Variants in TACR1 observed in about 807,000 individuals in gnomAD.
The protein encoded by TACR1 is tachykinin receptor 1, also known as substance-P receptor.
Under a neutral mutation model 35.8 loss-of-function variants are expected in TACR1, and 25 were observed. The ratio of observed to expected loss-of-function variants is 0.70; its 90% CI spans 0.51 to 0.98. TACR1 has a LOEUF of 0.98. TACR1 is among the 50% of genes least tolerant of loss of function. TACR1 has a pLI of 0.00. For missense variants in TACR1, 478 were observed against 522.9 expected (o/e 0.91, Z 0.84); for synonymous variants, 195 against 206.7 (o/e 0.94, Z 0.48).
chr2:75,093,776 T>C (rs1558550727), intron 2 of TACR1, among the ~76,000 whole-genome samples: 1 of 152,190 alleles, frequency 6.6e-6, no homozygotes, highest in East Asian at 1.9e-4. Flanking sequence ...AGAATGCTGT[T>C]AGGCATTTTA....
chr2:75,167,043 A>G (rs995612990), intron 1 of TACR1, among the ~76,000 whole-genome samples: 3 of 152,214 alleles, frequency 2.0e-5, no homozygotes, highest in Non-Finnish European at 4.4e-5. Flanking sequence ...AGACTACATT[A>G]TGATAATAAA....
At chr2:75,090,475 TTG>T (rs1673286939) in intron 2 of TACR1, among the ~76,000 whole-genome samples, 1 of 152,166 alleles carries the variant, frequency 6.6e-6, no homozygotes, top group Non-Finnish European at 1.5e-5. Context: ...TGACAAAACT[TTG>T]GTCTCCACAA....
chr2:75,121,553 T>G (rs1160183757), intron 1 of TACR1, among the ~76,000 whole-genome samples: 1 of 152,216 alleles, frequency 6.6e-6, no homozygotes, highest in Non-Finnish European at 1.5e-5. Context: ...TGAATGAATG[T>G]GTCCACATGT....
chr2:75,124,590 G>A (rs557306198), intron 1 of TACR1, among the ~76,000 whole-genome samples: 24 of 152,254 alleles, frequency 1.6e-4, no homozygotes, highest in Non-Finnish European at 3.2e-4. Context: ...TTTTTTTCTG[G>A]GAAAGACAGA....
chr2:75,134,061 T>A (rs1189301346), intron 1 of TACR1, among the ~76,000 whole-genome samples: 1 of 152,198 alleles, frequency 6.6e-6, no homozygotes, highest in Non-Finnish European at 1.5e-5. Context: ...GAAGTTACCC[T>A]GCACGGTCTA....
chr2:75,069,658 C>T (rs1410495232), intron 2 of TACR1, among the ~76,000 whole-genome samples: 1 of 152,178 alleles, frequency 6.6e-6, no homozygotes, highest in Admixed American at 6.5e-5. Context: ...GTTTCTCAGA[C>T]TTTCCTTGTT....
intron 1 of TACR1, among the ~76,000 whole-genome samples, chr2:75,155,845 G>A (rs1251725924): frequency 1.3e-5 from 2 of 152,326 alleles, no homozygotes; most frequent in Admixed American, 6.5e-5. Context: ...AATCAAGATG[G>A]TTTAGGATAT....
intron 2 of TACR1, among the ~76,000 whole-genome samples, chr2:75,057,111 C>T (rs920035898): frequency 1.3e-5 from 2 of 152,216 alleles, no homozygotes; most frequent in Non-Finnish European, 2.9e-5. Context: ...GCCATCATAT[C>T]CCCTGTGACC....
At chr2:75,165,095 G>A (rs1675107112) in intron 1 of TACR1, among the ~76,000 whole-genome samples, 1 of 152,112 alleles carries the variant, frequency 6.6e-6, no homozygotes, top group South Asian at 2.1e-4. Context: ...TCTTCCCAAA[G>A]GGCTTATCAG....
intron 2 of TACR1, among the ~76,000 whole-genome samples, chr2:75,075,039 ACTATTTAAGAT>A (rs1672953483): frequency 6.6e-6 from 1 of 152,196 alleles, no homozygotes; most frequent in South Asian, 2.1e-4. Context: ...CTTATCATCC[ACTATTTAAGAT>A]CTATTCTTTT....
chr2:75,116,824 C>T (rs1673871070), intron 2 of TACR1, among the ~76,000 whole-genome samples: 1 of 152,068 alleles, frequency 6.6e-6, no homozygotes, highest in Non-Finnish European at 1.5e-5. Flanking sequence ...GCAGGATAAT[C>T]ACTTGAACCC....
intron 2 of TACR1, among the ~76,000 whole-genome samples, chr2:75,064,603 A>G (rs567873335): frequency 6.6e-6 from 1 of 152,298 alleles, no homozygotes; most frequent in Non-Finnish European, 1.5e-5. Context: ...CCTGAGCCCC[A>G]TGGTTGGAAG....
intron 2 of TACR1, among the ~76,000 whole-genome samples, chr2:75,083,961 A>G (rs1438051525): frequency 1.3e-5 from 2 of 152,028 alleles, no homozygotes; most frequent in Non-Finnish European, 2.9e-5. Context: ...TTCCAACACT[A>G]TGTTGAATAG....
In TACR1 at chr2:75,154,402, G is replaced by GCGCGCGCGCGCGCGCA. The variant is rs1491524206; in HGVS notation, c.390-33635_390-33634insTGCGCGCGCGCGCGCG. 3 of 47,832 alleles carry GCGCGCGCGCGCGCGCA rather than the reference G, an allele frequency of 6.3e-5. 1 individual carries two copies. The highest frequency in any genetic ancestry group is 5.3e-4 in the African/African-American group (3 of 5,676). 3.0% of individuals were successfully genotyped at this position (47,832 alleles called of 1,614,324 possible). ...GGCCCAGGGAGATAATCAGCCAAGAGCGCGCACGCACACACACACACACAC... is the reference window on the plus strand; with the variant it reads ...GGCCCAGGGAGATAATCAGCCAAGAGCGCGCGCGCGCGCGCACGCGCACGCACACACACACACACAC... On this transcript the variant is annotated intron_variant, in intron 1 of 4. Transcript: ENST00000305249.
intron 1 of TACR1, among the ~76,000 whole-genome samples, chr2:75,121,966 C>G (rs943131652): frequency 3.3e-5 from 5 of 152,182 alleles, no homozygotes; most frequent in Admixed American, 6.5e-5. Flanking sequence ...CCTAGGATCT[C>G]TAGACCAGAA....
intron 1 of TACR1, among the ~76,000 whole-genome samples, chr2:75,163,100 G>C (rs1361749002): frequency 6.6e-6 from 1 of 152,198 alleles, no homozygotes; most frequent in Non-Finnish European, 1.5e-5. Context: ...CTCTTACCCA[G>C]TCATGGCAAA....
chr2:75,164,856 G>A (rs1458145823), intron 1 of TACR1, among the ~76,000 whole-genome samples: 1 of 152,190 alleles, frequency 6.6e-6, no homozygotes, highest in African/African-American at 2.4e-5. Flanking sequence ...TCAGTCCCAA[G>A]TTCCATTAAC....
At chr2:75,086,155 T>C (rs528545797) in intron 2 of TACR1, among the ~76,000 whole-genome samples, 3 of 152,176 alleles carry the variant, frequency 2.0e-5, no homozygotes, top group Non-Finnish European at 4.4e-5. Context: ...GGAACAATTA[T>C]TGGTCTCCTC....
intron 2 of TACR1, among the ~76,000 whole-genome samples, chr2:75,085,534 T>C (rs1346146139): frequency 3.3e-5 from 5 of 152,240 alleles, no homozygotes; most frequent in Admixed American, 3.3e-4. Flanking sequence ...TACTTCAGAA[T>C]ATTAAGATTG....
Sources: gnomAD v4.1 joint callset for allele counts (sites outside exome capture counted in the v4.1 genomes callset) on GRCh38, gnomAD v4.1.1 for gene constraint, MANE v1.5 for transcripts, NCBI Gene and HGNC (gene_info 2026-07-23, HGNC 2026-07-21) for gene names.